Variants in PHLDB2 observed in about 807,000 individuals in gnomAD.
PHLDB2 encodes pleckstrin homology-like domain family B member 2.
In PHLDB2, 71 loss-of-function variants were observed where a neutral mutation model predicts 123.6. The ratio of observed to expected loss-of-function variants is 0.57; its 90% CI spans 0.47 to 0.70. The LOEUF (loss-of-function observed/expected upper bound fraction) is 0.70. PHLDB2 is among the 30% of genes least tolerant of loss of function. PHLDB2 has a pLI of 0.00. For synonymous variants in PHLDB2, 547 were observed against 541.6 expected (o/e 1.01, Z -0.14); for missense variants, 1,446 against 1,519.5 (o/e 0.95, Z 0.80).
rs542361713 is a variant in PHLDB2 at position 111,969,543 on chromosome 3, A to G, written c.3316-147A>G. 5.6e-4 allele frequency: 360 copies of G among 641,602 alleles called. 6 individuals are homozygous for G. The South Asian group carries it at 6.7e-3, about 12-fold the overall frequency. 39.7% of individuals were successfully genotyped at this position (641,602 alleles called of 1,614,324 possible). A position where few individuals can be genotyped will look rare whatever the true frequency, so the allele number is the denominator to read the frequency against. ...CTATCCACTTTTTAGACTCCAAATC[A>G]TAAGTGCTTTGTTTATCTTAAGCTC... On this transcript the variant is annotated intron_variant, in intron 15 of 17. Transcript: ENST00000431670.
At chr3:111,798,024 C>A (rs919482465) in intron 1 of PHLDB2, among the ~76,000 whole-genome samples, 2 of 152,086 alleles carry the variant, frequency 1.3e-5, no homozygotes, top group Admixed American at 1.3e-4. Flanking sequence ...GTCCCAGCTA[C>A]CTGGGAGGCT....
Position 111,969,793 on chromosome 3 carries a change from C to T in PHLDB2, c.3419C>T (p.Ser1140Leu). 7 of 1,613,994 alleles carry T rather than the reference C, an allele frequency of 4.3e-6. No homozygotes were observed. Among genetic ancestry groups the T allele is most frequent in the Non-Finnish European group, 5.9e-6 (7 of 1,179,906 alleles). Reference protein sequence around the residue: ...GHNIDTCYHVSITEKTCRGFL... With the variant: ...GHNIDTCYHVLITEKTCRGFL... The stretch of plus-strand genomic sequence containing the variant: ...AATATTGACACCTGTTACCATGTAT[C>T]AATCACAGAGAAGACCTGCCGAGGA... The change falls in exon 16 of 18, where the codon TCA becomes TTA. Residue 1140 changes from serine to leucine, a missense_variant. Transcript: ENST00000431670.
chr3:111,799,038 CA>C (rs1430761116), intron 1 of PHLDB2, among the ~76,000 whole-genome samples: 2 of 152,136 alleles, frequency 1.3e-5, no homozygotes, highest in African/African-American at 4.8e-5. Context: ...ATGGTGGCAG[CA>C]AGGAGAAAAA....
intron 2 of PHLDB2, among the ~76,000 whole-genome samples, chr3:111,889,398 T>C (rs971620525): frequency 1.4e-4 from 21 of 152,118 alleles, no homozygotes; most frequent in Non-Finnish European, 2.6e-4. Flanking sequence ...CAGGTCTTTT[T>C]TTTTTTAAGA....
At chr3:111,751,834 A>G (rs1489576999) in intron 1 of PHLDB2, among the ~76,000 whole-genome samples, 1 of 152,046 alleles carries the variant, frequency 6.6e-6, no homozygotes, top group South Asian at 2.1e-4. Context: ...AACTTAAAGT[A>G]TAATAATAAT....
chr3:111,764,472 G>T (rs1318170959), intron 1 of PHLDB2, among the ~76,000 whole-genome samples: 1 of 152,038 alleles, frequency 6.6e-6, no homozygotes, highest in East Asian at 1.9e-4. Context: ...TTGATAAATT[G>T]CCTATCACCC....
intron 9 of PHLDB2, among the ~76,000 whole-genome samples, chr3:111,946,632 G>T (rs1471568954): frequency 9.2e-5 from 14 of 152,226 alleles, no homozygotes; most frequent in Non-Finnish European, 1.9e-4. Context: ...AAGCGTGGTT[G>T]TGAATGGAAT....
At chr3:111,902,264 G>A in intron 2 of PHLDB2, among the ~76,000 whole-genome samples, 2 of 152,266 alleles carry the variant, frequency 1.3e-5, no homozygotes, top group Non-Finnish European at 2.9e-5. Flanking sequence ...ATTAAATCAA[G>A]TTATATTACT....
chr3:111,939,212 C>T (rs1332338250), intron 6 of PHLDB2, among the ~76,000 whole-genome samples: 1 of 2,644 alleles, frequency 3.8e-4, no homozygotes, highest in Non-Finnish European at 8.8e-3. Flanking sequence ...CATTTTAAAG[C>T]CACCCAGTGT....
intron 1 of PHLDB2, among the ~76,000 whole-genome samples, chr3:111,795,515 G>A (rs998136159): frequency 2.6e-5 from 4 of 152,170 alleles, no homozygotes; most frequent in Non-Finnish European, 4.4e-5. Context: ...TCACATGGGA[G>A]CAGAACTAGG....
At chr3:111,873,716 A>G (rs1050124364) in intron 1 of PHLDB2, among the ~76,000 whole-genome samples, 3 of 152,118 alleles carry the variant, frequency 2.0e-5, no homozygotes, top group African/African-American at 7.2e-5. Flanking sequence ...CCCATTTTGT[A>G]TATATTTCTT....
intron 1 of PHLDB2, among the ~76,000 whole-genome samples, chr3:111,800,801 C>T (rs899011362): frequency 6.6e-6 from 1 of 152,160 alleles, no homozygotes; most frequent in Non-Finnish European, 1.5e-5. Context: ...TTATAAAAAG[C>T]TCTGTTAATA....
chr3:111,961,877 T>C, intron 12 of PHLDB2: 1 of 509,404 alleles, frequency 2.0e-6, no homozygotes, highest in Non-Finnish European at 3.4e-6. Flanking sequence ...CATAGGAAAG[T>C]GTCAAGTGAT....
At chr3:111,832,453 C>A (rs2063093713) in intron 1 of PHLDB2, among the ~76,000 whole-genome samples, 1 of 151,168 alleles carries the variant, frequency 6.6e-6, no homozygotes, top group South Asian at 2.1e-4. Flanking sequence ...CCACTCCATT[C>A]CCACATCCTT....
intron 2 of PHLDB2, among the ~76,000 whole-genome samples, chr3:111,905,503 C>T (rs1374528798): frequency 1.3e-5 from 2 of 152,000 alleles, no homozygotes; most frequent in East Asian, 1.9e-4. Flanking sequence ...ACTACAGGTG[C>T]GTGCCACCTC....
intron 1 of PHLDB2, among the ~76,000 whole-genome samples, chr3:111,866,930 GGTGTGTGTGTGTGTGTGTGT>G (rs3082321): frequency 1.6e-5 from 2 of 126,066 alleles, no homozygotes; most frequent in African/African-American, 2.9e-5. Context: ...GTTTCTAAGG[GGTGTGTGTGTGTGTGTGTGT>G]GTGTGTGTGT....
At chr3:111,954,081 C>A in intron 12 of PHLDB2, 52 bp downstream of exon 12, 1 of 1,519,958 alleles carries the variant, frequency 6.6e-7, no homozygotes, top group African/African-American at 1.4e-5. Context: ...CATTAGAATT[C>A]TTCAGGGGGA....
At chr3:111,966,527 G>GTGT (rs1222251851) in intron 13 of PHLDB2, 86 bp from the exon 14 acceptor site, 181 of 618,578 alleles carry the variant, frequency 2.9e-4, no homozygotes, top group African/African-American at 2.7e-3. Flanking sequence ...GTGTGTCTGG[G>GTGT]GTGTGTGTGT....
At chr3:111,950,749 C>A (rs1462029730) in intron 10 of PHLDB2, among the ~76,000 whole-genome samples, 1 of 152,154 alleles carries the variant, frequency 6.6e-6, no homozygotes, top group African/African-American at 2.4e-5. Context: ...CTTGAAGGTA[C>A]CTTTACCATC....
Sources: allele counts gnomAD v4.1 joint callset (sites outside exome capture counted in the v4.1 genomes callset), GRCh38; gene constraint gnomAD v4.1.1; transcripts MANE v1.5; gene names NCBI Gene and HGNC (gene_info 2026-07-23, HGNC 2026-07-21).